The following ANO4 variants were observed in gnomAD, a reference collection of about 807,000 sequenced individuals.
ANO4 encodes anoctamin-4.
Under a neutral mutation model 141.9 loss-of-function variants are expected in ANO4, and 69 were observed. The observed-to-expected ratio is 0.49, with a 90% confidence interval of 0.40 to 0.59. ANO4 has a LOEUF of 0.59. Among genes scored for constraint, ANO4 ranks in the 20% least tolerant of loss-of-function variants. The pLI, the probability that ANO4 is intolerant of heterozygous loss-of-function variation, is 0.00. For missense variants in ANO4, 894 were observed against 1,162.2 expected, an observed-to-expected ratio of 0.77 and a Z score of 3.36; for synonymous variants, 350 against 394.3, an observed-to-expected ratio of 0.89 and a Z score of 1.33.
chr12:101,120,351 T>G (rs181146237), intron 25 of ANO4, among the ~76,000 whole-genome samples, 169 bp from the exon 26 acceptor site: 4 of 152,252 alleles, frequency 2.6e-5, no homozygotes, highest in Non-Finnish European at 5.9e-5. Flanking sequence ...AGAGAAGAGA[T>G]ATTATTTTAT....
rs535877885 is a variant in ANO4 at position 100,827,742 on chromosome 12, A to G, written c.-141+32715A>G. Among the ~76,000 whole-genome samples, 5 of 152,172 alleles carry G rather than the reference A, an allele frequency of 3.3e-5. 1 individual carries two copies. Among genetic ancestry groups the G allele is most frequent in the African/African-American group, 1.2e-4 (5 of 41,546 alleles). ...TTTTAGCATTGCTTGATTTATGGTTAGGATTCTGTATTTGGAGGTGCTAAA... is the reference window on the plus strand; with the variant it reads ...TTTTAGCATTGCTTGATTTATGGTTGGGATTCTGTATTTGGAGGTGCTAAA... On this transcript the variant is annotated intron_variant, in intron 1 of 27. Coordinates refer to ENST00000392977, the MANE Select transcript of ANO4 (RefSeq NM_001286615.2).
chr12:101,060,006 T>C (rs1410007679), intron 14 of ANO4, among the ~76,000 whole-genome samples: 1 of 152,274 alleles, frequency 6.6e-6, no homozygotes, highest in Non-Finnish European at 1.5e-5. Context: ...CGCTTTCTCC[T>C]GTGGGCATTT....
At chr12:100,860,703 A>G (rs757223351) in intron 1 of ANO4, among the ~76,000 whole-genome samples, 1 of 152,220 alleles carries the variant, frequency 6.6e-6, no homozygotes, top group African/African-American at 2.4e-5. Context: ...GCATTGTTCA[A>G]AGCCTTGTGA....
chr12:101,002,205 A>G (rs1369717510), intron 8 of ANO4, among the ~76,000 whole-genome samples: 1 of 152,176 alleles, frequency 6.6e-6, no homozygotes, highest in South Asian at 2.1e-4. Context: ...GGACATTTGC[A>G]AGGCTGCTGG....
chr12:100,851,407 A>G (rs2037864860), intron 1 of ANO4, among the ~76,000 whole-genome samples: 1 of 151,926 alleles, frequency 6.6e-6, no homozygotes, highest in South Asian at 2.1e-4. Flanking sequence ...TTTCCCAGAG[A>G]TTTTAATGTT....
At chr12:100,740,360 G>A (rs2031810472) in intron 3 of ANO4, among the ~76,000 whole-genome samples, 2 of 151,888 alleles carry the variant, frequency 1.3e-5, no homozygotes, top group South Asian at 2.1e-4. Flanking sequence ...CTACAGGCAC[G>A]CACACCACCA....
At chr12:101,013,053 A>G (rs2046165308) in intron 8 of ANO4, among the ~76,000 whole-genome samples, 1 of 152,172 alleles carries the variant, frequency 6.6e-6, no homozygotes, top group African/African-American at 2.4e-5. Context: ...CCATTGTATA[A>G]AACAGTTTGG....
intron 2 of ANO4, among the ~76,000 whole-genome samples, chr12:100,903,373 A>G (rs1420857745): frequency 1.3e-5 from 2 of 152,060 alleles, no homozygotes; most frequent in Admixed American, 1.3e-4. Flanking sequence ...CTCCTTTCCC[A>G]GTACGTACCA....
intron 3 of ANO4, among the ~76,000 whole-genome samples, chr12:100,758,599 GT>G (rs1440524221): frequency 6.6e-6 from 1 of 152,124 alleles, no homozygotes; most frequent in East Asian, 1.9e-4. Context: ...AATTGACAGT[GT>G]GCTTTCCCAC....
intron 26 of ANO4, among the ~76,000 whole-genome samples, chr12:101,125,707 A>C (rs553941271): frequency 2.0e-5 from 3 of 152,328 alleles, no homozygotes; most frequent in African/African-American, 7.2e-5. Flanking sequence ...ACTGATTTGC[A>C]TATGTTGAAC....
At chr12:100,983,793 T>C (rs2044588439) in intron 7 of ANO4, among the ~76,000 whole-genome samples, 1 of 152,298 alleles carries the variant, frequency 6.6e-6, no homozygotes, top group East Asian at 1.9e-4. Flanking sequence ...TTCAGGATGC[T>C]CCCCCTATCT....
Position 101,094,285 on chromosome 12 carries a change from G to A in ANO4, c.1731G>A (p.Thr577=), listed in dbSNP as rs752244271. Residue 577 remains threonine, a synonymous_variant, in exon 18 of 28, where the codon ACG becomes ACA. Transcript: ENST00000392977. ...ATGAAAAAGTTGCCCTGCTTCTGAC[G>A]AATTTAGGTGAGTGGAATCCTTTCT... is the stretch of plus-strand genomic sequence containing the variant. ...VLYEKVALLL[T]NLEQPRTESE... is the part of the protein sequence containing the mutation. 20 of 1,609,648 alleles carry A rather than the reference G, an allele frequency of 1.2e-5. No individual in the cohort carries two copies. The highest frequency in any genetic ancestry group is 4.4e-5 in the South Asian group (4 of 90,902).
At chr12:100,940,177 T>G (rs79334986) in intron 4 of ANO4, among the ~76,000 whole-genome samples, 5,808 of 151,336 alleles carry the variant, frequency 0.038, 157 homozygotes, top group Non-Finnish European at 0.056. Flanking sequence ...CATATGCAGC[T>G]ATCCAAGTTT....
chr12:100,896,653 T>C (rs1270626591), intron 1 of ANO4, among the ~76,000 whole-genome samples: 1 of 152,134 alleles, frequency 6.6e-6, no homozygotes, highest in Non-Finnish European at 1.5e-5. Context: ...GGAACTAATA[T>C]ACCCACCTTT....
At chr12:100,940,247 T>C (rs1034171163) in intron 4 of ANO4, among the ~76,000 whole-genome samples, 3 of 152,070 alleles carry the variant, frequency 2.0e-5, no homozygotes, top group Non-Finnish European at 4.4e-5. Flanking sequence ...ATTCTGTTAT[T>C]ATCTGTTTAC....
At chr12:101,035,173 A>G (rs2047144940) in intron 9 of ANO4, among the ~76,000 whole-genome samples, 1 of 152,230 alleles carries the variant, frequency 6.6e-6, no homozygotes, top group Non-Finnish European at 1.5e-5. Flanking sequence ...GAATAGATAA[A>G]CAAATTATTA....
chr12:101,004,910 C>T (rs778207129), intron 8 of ANO4, among the ~76,000 whole-genome samples: 17 of 152,104 alleles, frequency 1.1e-4, no homozygotes, highest in Non-Finnish European at 1.9e-4. Context: ...GCAATGAAAA[C>T]AGGGGGATCA....
rs371198200 is a variant in ANO4 at position 101,124,295 on chromosome 12, G to T, written c.2677-2584G>T. ...TGAAGAATGTCTGTTTATGTCTTTT[G>T]CCCACTTTTTAATGGGGTTGCTTGG... On this transcript the variant is annotated intron_variant, in intron 26 of 27. Coordinates refer to ENST00000392977, the MANE Select transcript of ANO4 (RefSeq NM_001286615.2). 8.9e-3 allele frequency among the ~76,000 whole-genome samples: 1,354 copies of T among 151,982 alleles called. 17 individuals are homozygous for T. Among genetic ancestry groups the T allele is most frequent in the African/African-American group, 0.031 (1,293 of 41,460 alleles).
chr12:100,849,868 G>A (rs2037777593), intron 1 of ANO4, among the ~76,000 whole-genome samples: 1 of 152,104 alleles, frequency 6.6e-6, no homozygotes, highest in African/African-American at 2.4e-5. Context: ...CTGGGACCTT[G>A]TGGGCTCCGG....
Sources: allele counts gnomAD v4.1 joint callset (sites outside exome capture counted in the v4.1 genomes callset), GRCh38; gene constraint gnomAD v4.1.1; transcripts MANE v1.5; gene names NCBI Gene and HGNC (gene_info 2026-07-23, HGNC 2026-07-21).